FAT4: variants seen among roughly 807,000 people sequenced by gnomAD.
The protein encoded by FAT4 is FAT atypical cadherin 4.
A neutral mutation model predicts 303.9 loss-of-function variants in FAT4; 84 were observed. The ratio of observed to expected loss-of-function variants is 0.28; its 90% CI spans 0.23 to 0.33. FAT4 has a LOEUF of 0.33. Ranked by LOEUF, FAT4 falls within the 10% of genes least tolerant of loss-of-function variation. The probability of loss-of-function intolerance (pLI) is 1.00; values close to 1 mark genes in which losing one functional copy is unlikely to be tolerated. For missense variants in FAT4, 6,005 were observed against 6,146.8 expected (o/e 0.98, Z 0.77); for synonymous variants, 2,307 against 2,298.8 (o/e 1.00, Z -0.10).
intron 2 of FAT4, among the ~76,000 whole-genome samples, chr4:125,350,689 T>C (rs1226467570): frequency 4.0e-5 from 6 of 151,638 alleles, no homozygotes. Context: ...CCTTACAAGT[T>C]TGGAAAAATG....
intron 7 of FAT4, among the ~76,000 whole-genome samples, chr4:125,424,869 A>G (rs1725035160): frequency 6.6e-6 from 1 of 152,196 alleles, no homozygotes; most frequent in Non-Finnish European, 1.5e-5. Flanking sequence ...TGATGGTAGA[A>G]TCGGAAGGAT....
At chr4:125,397,243 C>T (rs1734222632) in intron 2 of FAT4, among the ~76,000 whole-genome samples, 1 of 151,958 alleles carries the variant, frequency 6.6e-6, no homozygotes, top group Non-Finnish European at 1.5e-5. Context: ...TCACAAAATA[C>T]TCTAGGACAC....
In FAT4 at chr4:125,316,259, C is replaced by A. The variant is rs1730580419; in HGVS notation, c.-12-141C>A. 2.2e-5 allele frequency: 23 copies of A among 1,030,742 alleles called. No homozygotes were observed. In the South Asian group the frequency reaches 3.6e-4, roughly 16 times the overall value. The allele number at this position is 1,030,742 out of a possible 1,614,324, so 63.8% of individuals were successfully genotyped here. On this transcript the variant is annotated intron_variant, in intron 1 of 17. Coordinates refer to ENST00000394329, the MANE Select transcript of FAT4 (RefSeq NM_001291303.3). The surrounding 1 kb of genome is among the most constrained non-coding windows in gnomAD (Gnocchi z 5.7). ...TAGAGTCTTTTGCTGATGCTACTTG[C>A]TTTTGCCGGACTGGAGGTTCTTTGA...
At position 125,481,676 on chromosome 4, in the gene FAT4, A is replaced by T; in HGVS notation, c.12760A>T (p.Thr4254Ser). The T allele has an allele frequency of 6.2e-7, 1 of 1,614,012 alleles. No homozygotes were observed. Among genetic ancestry groups the T allele is most frequent in the Non-Finnish European group, 8.5e-7 (1 of 1,179,920 alleles). Residue 4254 changes from threonine (T) to serine (S), a missense_variant, in exon 16 of 18, where the codon ACC (threonine) becomes TCC (serine). Thr to Ser is a moderately conservative substitution (Grantham distance 58). Transcript: ENST00000394329. ...GAACAGTCTGGAAGTAAAATTTAGG[A>T]CCAGAAGCGAGAATGGCGTTTTAAT... ...GVNSLEVKFRTRSENGVLIHI... is the reference protein window; with the variant it reads ...GVNSLEVKFRSRSENGVLIHI...
chr4:125,321,600 A>G lies in FAT4; in HGVS notation c.5175+14A>G. ...CAGAGAGCAGAGGTAATGATTTTGT[A>G]GTCATTTATTATTTGTTGATTTGCT... On this transcript the variant is annotated intron_variant, in intron 2 of 17. Transcript: ENST00000394329. 1.3e-6 allele frequency: 2 copies of G among 1,562,458 alleles called. No homozygotes were observed. The highest frequency in any genetic ancestry group is 1.7e-6 in the Non-Finnish European group (2 of 1,157,632).
chr4:125,367,431 T>C (rs963257934), intron 2 of FAT4, among the ~76,000 whole-genome samples: 5 of 152,118 alleles, frequency 3.3e-5, no homozygotes, highest in African/African-American at 1.2e-4. Flanking sequence ...CTGTCAGCAA[T>C]AGACTTGAAC....
At position 125,451,029 on chromosome 4, in the gene FAT4, T is replaced by G; in HGVS notation, c.10019T>G (p.Phe3340Cys). The G allele has an allele frequency of 6.2e-7, 1 of 1,614,052 alleles. No homozygotes were observed. Among genetic ancestry groups the G allele is most frequent in the Non-Finnish European group, 8.5e-7 (1 of 1,180,000 alleles). ...GTDGEVHYLIFGNSRKKGFQI... is the reference protein window; with the variant it reads ...GTDGEVHYLICGNSRKKGFQI... ...GATGGGGAGGTACACTATTTGATTT[T>G]TGGTAATAGTCGAAAGAAGGGTTTC... The change falls in exon 10 of 18, where the codon TTT becomes TGT. Residue 3340 changes from phenylalanine (F) to cysteine (C), a missense_variant. Phe to Cys is a radical substitution (Grantham distance 205). Transcript: ENST00000394329.
intron 2 of FAT4, among the ~76,000 whole-genome samples, chr4:125,384,418 T>C (rs182309809): frequency 6.6e-6 from 1 of 152,368 alleles, no homozygotes; most frequent in Non-Finnish European, 1.5e-5. Flanking sequence ...CTAATGAATT[T>C]AACATCTTTT....
intron 3 of FAT4, among the ~76,000 whole-genome samples, chr4:125,403,583 TTTATTTTA>T (rs1310866268): frequency 1.3e-3 from 200 of 152,178 alleles, no homozygotes; most frequent in African/African-American, 4.5e-3. Context: ...CCCTCAGATA[TTTATTTTA>T]AACCTCATTC....
chr4:125,407,092 A>C lies in FAT4; in HGVS notation c.5520A>C (p.Lys1840Asn), dbSNP rs749588778. Residue 1840 changes from lysine (K) to asparagine (N), a missense_variant, in exon 4 of 18, where the codon AAA (lysine) becomes AAC (asparagine). By Grantham distance (94) the Lys-to-Asn change is moderately conservative. Coordinates refer to ENST00000394329, the MANE Select transcript of FAT4 (RefSeq NM_001291303.3). Reference protein sequence around the residue: ...TVSDVNDHTPKFSRPVYSFDI... With the variant: ...TVSDVNDHTPNFSRPVYSFDI... ...GTGATGTGAATGACCATACACCCAA[A>C]TTTTCCAGACCCGTGTACTCTTTTG... The C allele has an allele frequency of 4.3e-6, 7 of 1,613,532 alleles. No individual in the cohort carries two copies. The South Asian group carries it at 6.6e-5, about 15-fold the overall frequency.
chr4:125,360,944 T>A (rs1449774096), intron 2 of FAT4, among the ~76,000 whole-genome samples: 5 of 133,646 alleles, frequency 3.7e-5, no homozygotes, highest in East Asian at 4.4e-4. Flanking sequence ...TTTTATTATT[T>A]TTATTTTATT....
chr4:125,413,118 G>C (rs570604759), intron 5 of FAT4, among the ~76,000 whole-genome samples: 1 of 151,698 alleles, frequency 6.6e-6, no homozygotes, highest in South Asian at 2.1e-4. Flanking sequence ...ACAATATAAT[G>C]TATATACGTA....
At position 125,424,141 on chromosome 4, in the gene FAT4, A is replaced by C. The variant is rs374995021; in HGVS notation, c.7018+7519A>C. Among the ~76,000 whole-genome samples, 7 of 152,268 alleles carry C rather than the reference A, an allele frequency of 4.6e-5. No individual in the cohort carries two copies. In the East Asian group the frequency reaches 1.4e-3, roughly 29 times the overall value. ...TGATTGTGTTTTGAAATGTGAGGAC[A>C]TGAGATTTGAGAGGGGCCAGGGACA... is the stretch of plus-strand genomic sequence containing the variant. On this transcript the variant is annotated intron_variant, in intron 7 of 17. Transcript: ENST00000394329.
Position 125,487,491 on chromosome 4 carries a change from C to A in FAT4, c.12969C>A (p.Asp4323Glu). The A allele has an allele frequency of 6.2e-7, 1 of 1,614,048 alleles. No homozygotes were observed. Among genetic ancestry groups the A allele is most frequent in the South Asian group, 1.1e-5 (1 of 91,080 alleles). ...KNGTATVLSV[D>E]RIYNRDIIHP... ...GAACAGCAACAGTATTGTCTGTTGACAGAATATATAACAGAGATATTATCC... is the reference window on the plus strand; with the variant it reads ...GAACAGCAACAGTATTGTCTGTTGAAAGAATATATAACAGAGATATTATCC... Residue 4323 changes from aspartate to glutamate, a missense_variant, in exon 17 of 18, where the codon GAC becomes GAA. Transcript: ENST00000394329.
intron 2 of FAT4, among the ~76,000 whole-genome samples, chr4:125,360,910 TTTA>T (rs1732629870): frequency 7.0e-6 from 1 of 143,364 alleles, no homozygotes; most frequent in Non-Finnish European, 1.5e-5. Flanking sequence ...TTTTTATTTA[TTTA>T]TTATTTATTT....
rs1730738135 is a variant in FAT4 at position 125,318,301 on chromosome 4, G to A, written c.1890G>A (p.Arg630=). 6.2e-7 allele frequency: 1 copy of A among 1,614,196 alleles called. No individual in the cohort carries two copies. Among genetic ancestry groups the A allele is most frequent in the Non-Finnish European group, 8.5e-7 (1 of 1,180,058 alleles). Residue 630 remains arginine, a synonymous_variant, in exon 2 of 18, where the codon AGG becomes AGA. Transcript: ENST00000394329. ...FSLQEAETDR[R]SFRLDPVSGR... ...TACAAGAGGCAGAGACTGACCGGAG[G>A]TCCTTCCGTCTGGATCCTGTGTCTG...
chr4:125,446,197 T>A, intron 8 of FAT4, 96 bp from the exon 9 acceptor site: 1 of 1,018,692 alleles, frequency 9.8e-7, no homozygotes, highest in Non-Finnish European at 1.4e-6. Context: ...CTTGTAACGT[T>A]TTCTTGCATT....
intron 13 of FAT4, among the ~76,000 whole-genome samples, chr4:125,476,619 A>G (rs1034929929): frequency 6.6e-6 from 1 of 151,686 alleles, no homozygotes; most frequent in Admixed American, 6.6e-5. Flanking sequence ...ATTAACAGAT[A>G]TTTTTCCATA....
chr4:125,466,186 A>G (rs531062075), intron 11 of FAT4, among the ~76,000 whole-genome samples: 10 of 152,214 alleles, frequency 6.6e-5, no homozygotes, highest in Non-Finnish European at 1.2e-4. Flanking sequence ...TAAAGGCGAC[A>G]TGTATAATTA....
Sources: gnomAD v4.1 joint callset for allele counts (sites outside exome capture counted in the v4.1 genomes callset) on GRCh38, gnomAD v4.1.1 for gene constraint, Gnocchi (gnomAD v3.1) non-coding constraint, MANE v1.5 for transcripts, NCBI Gene and HGNC (gene_info 2026-07-23, HGNC 2026-07-21) for gene names.